Variants in CCNA2 observed in about 807,000 individuals in gnomAD.
The protein encoded by CCNA2 is cyclin A2.
Under a neutral mutation model 49.4 loss-of-function variants are expected in CCNA2, and 3 were observed. The observed-to-expected ratio is 0.06, with a 90% confidence interval of 0.03 to 0.16. The LOEUF (loss-of-function observed/expected upper bound fraction) is 0.16. CCNA2 is among the 10% of genes least tolerant of loss of function. The pLI is 1.00. For missense variants in CCNA2, 372 were observed against 519.7 expected, an observed-to-expected ratio of 0.72 and a Z score of 2.76; for synonymous variants, 206 against 197.2, an observed-to-expected ratio of 1.04 and a Z score of -0.37.
Position 121,816,623 on chromosome 4 carries a change from C to A in CCNA2, c.*1015G>T. ...CCTTGTGATTTATAAAAATTAGGAC[C>A]TAAATCTATAATATAAACTTCTTGG... is the stretch of plus-strand genomic sequence containing the variant. On this transcript the variant is annotated 3_prime_UTR_variant, in exon 8 of 8. Transcript: ENST00000274026. 1 of 873,726 alleles carries A rather than the reference C, an allele frequency of 1.1e-6. No individual in the cohort carries two copies. Among genetic ancestry groups the A allele is most frequent in the African/African-American group, 1.7e-5 (1 of 57,254 alleles). The allele number at this position is 873,726 out of a possible 1,614,324, so 54.1% of individuals were successfully genotyped here. A position where few individuals can be genotyped will look rare whatever the true frequency, so the allele number is the denominator to read the frequency against.
intron 5 of CCNA2, among the ~76,000 whole-genome samples, chr4:121,819,127 C>A (rs1004859986): frequency 1.3e-5 from 2 of 152,132 alleles, no homozygotes; most frequent in Non-Finnish European, 2.9e-5. Context: ...TTTTAAAAAA[C>A]AACTCTTCTG....
In CCNA2 at chr4:121,816,971, A is replaced by T; in HGVS notation, c.*667T>A. On this transcript the variant is annotated 3_prime_UTR_variant, in exon 8 of 8. Transcript: ENST00000274026. ...ATTATAAAATCTAGCAGGATTTTAA[A>T]AATAGTTTTTTGTTTTTAATGTGCT... The T allele has an allele frequency of 8.9e-7, 1 of 1,117,520 alleles. No individual in the cohort carries two copies. Among genetic ancestry groups the T allele is most frequent in the Non-Finnish European group, 1.2e-6 (1 of 824,688 alleles). 69.2% of individuals were successfully genotyped at this position (1,117,520 alleles called of 1,614,324 possible). A position where few individuals can be genotyped will look rare whatever the true frequency, so the allele number is the denominator to read the frequency against.
At position 121,817,149 on chromosome 4, in the gene CCNA2, G is replaced by GTATC. The variant is rs147433128; in HGVS notation, c.*485_*488dup. ...CGAAAAAGTCTGGGGAATCTCTACT[G>GTATC]TATCTATCTCTGAATACTGTATTCA... On this transcript the variant is annotated 3_prime_UTR_variant, in exon 8 of 8. Coordinates refer to ENST00000274026, the MANE Select transcript of CCNA2 (RefSeq NM_001237.5). The GTATC allele has an allele frequency of 2.1e-3, 662 of 314,256 alleles. 3 individuals are homozygous for GTATC. Among genetic ancestry groups the GTATC allele is most frequent in the African/African-American group, 0.013 (594 of 45,652 alleles). 19.5% of individuals were successfully genotyped at this position (314,256 alleles called of 1,614,324 possible).
In CCNA2 at chr4:121,817,641, C is replaced by G; in HGVS notation, c.1296G>C (p.Leu432=). The change falls in exon 8 of 8, where the codon CTG becomes CTC. Residue 432 remains leucine, a synonymous_variant. Coordinates refer to ENST00000274026, the MANE Select transcript of CCNA2 (RefSeq NM_001237.5). ...SLLNPPETLN[L] ...AAACAAAGGCAGTCTTTCATTGTTA[C>G]AGATTTAGTGTCTCTGGTGGGTTGA... 2 of 1,613,500 alleles carry G rather than the reference C, an allele frequency of 1.2e-6. No homozygotes were observed. Among genetic ancestry groups the G allele is most frequent in the South Asian group, 1.1e-5 (1 of 91,052 alleles).
Position 121,822,452 on chromosome 4 carries a change from T to C in CCNA2, c.408A>G (p.Gly136=). ...LAFNSAISLP[G]PRKPLVPLDY... is the part of the protein sequence containing the mutation. ...CAAGAGGGACCAATGGTTTTCTGGG[T>C]CCAGGTAAACTAATGGCTGAATTAA... The change falls in exon 2 of 8, where the codon GGA becomes GGG. Residue 136 remains glycine (G), a synonymous_variant. Coordinates refer to ENST00000274026, the MANE Select transcript of CCNA2 (RefSeq NM_001237.5). 1 of 1,614,170 alleles carries C rather than the reference T, an allele frequency of 6.2e-7. No homozygotes were observed.
At chr4:121,821,678 A>T (rs112405446) in intron 2 of CCNA2, among the ~76,000 whole-genome samples, 123 of 152,330 alleles carry the variant, frequency 8.1e-4, no homozygotes, top group African/African-American at 2.8e-3. Flanking sequence ...TTCAAAGATC[A>T]CCTTGAGATT....
chr4:121,822,040 T>A (rs751607828), intron 2 of CCNA2, among the ~76,000 whole-genome samples: 1 of 152,224 alleles, frequency 6.6e-6, no homozygotes, highest in Non-Finnish European at 1.5e-5. Flanking sequence ...TATTTAAGAC[T>A]GCATCTTCAA....
In CCNA2 at chr4:121,823,676, G is replaced by C. The variant is rs1279397980; in HGVS notation, c.-48C>G. 1 of 1,519,454 alleles carries C rather than the reference G, an allele frequency of 6.6e-7. No homozygotes were observed. Among genetic ancestry groups the C allele is most frequent in the Admixed American group, 2.0e-5 (1 of 49,884 alleles). 94.1% of individuals were successfully genotyped at this position (1,519,454 alleles called of 1,614,324 possible). On this transcript the variant is annotated 5_prime_UTR_variant, in exon 1 of 8. Coordinates refer to ENST00000274026, the MANE Select transcript of CCNA2 (RefSeq NM_001237.5). ...CGGGATCAGCCTGCGGCGCCAAGCA[G>C]CGTGCACTCTGCCCAGCCGACCACT...
chr4:121,823,329 T>A (rs928641484), intron 1 of CCNA2, 87 bp downstream of exon 1: 1 of 1,448,044 alleles, frequency 6.9e-7, no homozygotes, highest in African/African-American at 1.4e-5. Flanking sequence ...GCCCAGGACA[T>A]GCCTTCTCGC....
In CCNA2 at chr4:121,820,918, C is replaced by A; in HGVS notation, c.570+61G>T. The A allele has an allele frequency of 8.9e-6, 13 of 1,453,528 alleles. No homozygotes were observed. Among genetic ancestry groups the A allele is most frequent in the Non-Finnish European group, 1.2e-5 (13 of 1,044,930 alleles). The allele number at this position is 1,453,528 out of a possible 1,614,324, so 90.0% of individuals were successfully genotyped here. A position where few individuals can be genotyped will look rare whatever the true frequency, so the allele number is the denominator to read the frequency against. ...TTTAAAAATTTAAACATTATCCTCTCAATTTCATTTAGCCACATTTAACAA... is the reference window on the plus strand; with the variant it reads ...TTTAAAAATTTAAACATTATCCTCTAAATTTCATTTAGCCACATTTAACAA... On this transcript the variant is annotated intron_variant, in intron 3 of 7. Coordinates refer to ENST00000274026, the MANE Select transcript of CCNA2 (RefSeq NM_001237.5). The surrounding 1 kb of genome is among the most constrained non-coding windows in gnomAD (Gnocchi z 4.1).
rs1469751182 is a variant in CCNA2, at chr4:121,823,468, T to A, written c.161A>T (p.Lys54Met). 2.5e-6 allele frequency: 4 copies of A among 1,613,426 alleles called. No individual in the cohort carries two copies. Among genetic ancestry groups the A allele is most frequent in the Non-Finnish European group, 3.4e-6 (4 of 1,179,884 alleles). The change falls in exon 1 of 8, where the codon AAG becomes ATG. Residue 54 changes from lysine (K) to methionine (M), a missense_variant. This residue lies in a region of CCNA2 where 217 missense variants were observed against 231.7 expected (regional missense o/e 0.94). Transcript: ENST00000274026. ...CGCTAGACCCCGCGGGTTCCCGGAC[T>A]TCAGTACCGCCAGCGCGGCCCGGGT... is the stretch of plus-strand genomic sequence containing the variant. ...PRTRAALAVL[K>M]SGNPRGLAQQ...
At chr4:121,819,236 G>A (rs1459823051) in intron 5 of CCNA2, 136 bp downstream of exon 5, 1 of 666,552 alleles carries the variant, frequency 1.5e-6, no homozygotes, top group East Asian at 2.7e-5. Flanking sequence ...CCATACTGCA[G>A]CATTAATCTC....
In CCNA2 at chr4:121,822,656, A is replaced by T; in HGVS notation, c.214-10T>A. On this transcript the variant is annotated splice_polypyrimidine_tract_variant and intron_variant, in intron 1 of 7. Coordinates refer to ENST00000274026, the MANE Select transcript of CCNA2 (RefSeq NM_001237.5). ...CCTTAAGGGGTGCAACCTAAAAAAA[A>T]ATTAATAACTGGCTTTGAGCCTACT... 5 of 1,609,816 alleles carry T rather than the reference A, an allele frequency of 3.1e-6. No homozygotes were observed. The highest frequency in any genetic ancestry group is 4.2e-6 in the Non-Finnish European group (5 of 1,178,164).
At position 121,817,607 on chromosome 4, in the gene CCNA2, C is replaced by T. The variant is rs1212987621; in HGVS notation, c.*31G>A. 8 of 1,613,060 alleles carry T rather than the reference C, an allele frequency of 5.0e-6. No homozygotes were observed. Among genetic ancestry groups the T allele is most frequent in the Non-Finnish European group, 6.8e-6 (8 of 1,179,422 alleles). On this transcript the variant is annotated 3_prime_UTR_variant, in exon 8 of 8. Transcript: ENST00000274026. ...TACACCATATACTTTGAGTGATTTACATCTTAGAAAACAAAGGCAGTCTTT... is the reference window on the plus strand; with the variant it reads ...TACACCATATACTTTGAGTGATTTATATCTTAGAAAACAAAGGCAGTCTTT...
rs1229562413 is a variant in CCNA2 at position 121,823,512 on chromosome 4, C to A, written c.117G>T (p.Ala39=). The change falls in exon 1 of 8, where the codon GCG becomes GCT. Residue 39 remains alanine, a synonymous_variant. Transcript: ENST00000274026. The part of the protein sequence containing the change: ...DQENINPEKA[A]PVQQPRTRAA... Reference sequence around the variant, plus strand: ...CCCGGGTCCGCGGTTGTTGGACGGGCGCTGCCTTTTCCGGGTTGATATTCT... The same window carrying A: ...CCCGGGTCCGCGGTTGTTGGACGGGAGCTGCCTTTTCCGGGTTGATATTCT... 5 of 1,613,206 alleles carry A rather than the reference C, an allele frequency of 3.1e-6. No individual in the cohort carries two copies. The highest frequency in any genetic ancestry group is 1.3e-5 in the African/African-American group (1 of 75,060).
Position 121,818,920 on chromosome 4 carries a change from T to TA in CCNA2, c.1003-8dup, listed in dbSNP as rs760708638. The TA allele has an allele frequency of 6.6e-7, 1 of 1,519,010 alleles. No homozygotes were observed. Among genetic ancestry groups the TA allele is most frequent in the South Asian group, 1.1e-5 (1 of 89,118 alleles). 94.1% of individuals were successfully genotyped at this position (1,519,010 alleles called of 1,614,324 possible). Reference sequence around the variant, plus strand: ...AACTTAATTCTCCCAAAAACTGGAATAAAAAATACTTTATGATCACAAGAG... The same window carrying TA: ...AACTTAATTCTCCCAAAAACTGGAATAAAAAAATACTTTATGATCACAAGAG... On this transcript the variant is annotated splice_region_variant and splice_polypyrimidine_tract_variant and intron_variant, in intron 5 of 7. Coordinates refer to ENST00000274026, the MANE Select transcript of CCNA2 (RefSeq NM_001237.5).
At position 121,823,376 on chromosome 4, in the gene CCNA2, G is replaced by C. The variant is rs755590052; in HGVS notation, c.213+40C>G. 3.2e-6 allele frequency: 5 copies of C among 1,570,224 alleles called. No individual in the cohort carries two copies. The African/African-American group carries it at 6.7e-5, about 21-fold the overall frequency. On this transcript the variant is annotated intron_variant, in intron 1 of 7. Transcript: ENST00000274026. ...GCCTGCTAAGCCAATGCCAAACCCT[G>C]CTCGACCCACCCTCCTGCAGATATC...
In CCNA2 at chr4:121,817,650, T is replaced by G; in HGVS notation, c.1287A>C (p.Thr429=). 1.9e-6 allele frequency: 3 copies of G among 1,614,012 alleles called. No homozygotes were observed. Among genetic ancestry groups the G allele is most frequent in the Non-Finnish European group, 2.5e-6 (3 of 1,179,928 alleles). The stretch of plus-strand genomic sequence containing the variant: ...CAGTCTTTCATTGTTACAGATTTAG[T>G]GTCTCTGGTGGGTTGAGGAGAGAAA... ...HGVSLLNPPE[T]LNL Residue 429 remains threonine, a synonymous_variant, in exon 8 of 8, where the codon ACA becomes ACC. Transcript: ENST00000274026.
In CCNA2 at chr4:121,816,747, A is replaced by G. The variant is rs755932933; in HGVS notation, c.*891T>C. On this transcript the variant is annotated 3_prime_UTR_variant, in exon 8 of 8. Coordinates refer to ENST00000274026, the MANE Select transcript of CCNA2 (RefSeq NM_001237.5). ...TCCAAAACTTAACATACTCTTAGTAAATTCTTACTTTGCTTTATTCACAGA... is the reference window on the plus strand; with the variant it reads ...TCCAAAACTTAACATACTCTTAGTAGATTCTTACTTTGCTTTATTCACAGA... The G allele has an allele frequency of 1.9e-6, 3 of 1,557,496 alleles. No individual in the cohort carries two copies. In the South Asian group the frequency reaches 3.7e-5, roughly 19 times the overall value.
Sources: allele counts gnomAD v4.1 joint callset (sites outside exome capture counted in the v4.1 genomes callset), GRCh38; gene constraint gnomAD v4.1.1; regional missense constraint gnomAD v4.1.1; non-coding constraint Gnocchi (gnomAD v3.1); transcripts MANE v1.5; gene names NCBI Gene and HGNC (gene_info 2026-07-23, HGNC 2026-07-21).